RBFOX1: variants seen among roughly 807,000 people sequenced by gnomAD.
The protein encoded by RBFOX1 is RNA binding protein fox-1 homolog 1.
In RBFOX1, 8 loss-of-function variants were observed where a neutral mutation model predicts 57.7. That is an observed-to-expected ratio of 0.14 (90% CI 0.08 to 0.25). The LOEUF is 0.25. RBFOX1 is among the 10% of genes least tolerant of loss of function. The pLI is 1.00. For missense variants in RBFOX1, 611 were observed against 548.5 expected (o/e 1.11, Z -1.14); for synonymous variants, 326 against 222.4 (o/e 1.47, Z -4.15).
chr16:7,074,772 A>G (rs2058001225), intron 4 of RBFOX1, among the ~76,000 whole-genome samples: 1 of 152,224 alleles, frequency 6.6e-6, no homozygotes, highest in African/African-American at 2.4e-5. Flanking sequence ...ACCTGAAAAC[A>G]TTATAAAGAA....
intron 4 of RBFOX1, among the ~76,000 whole-genome samples, chr16:7,351,804 G>A (rs552928090): frequency 2.0e-5 from 3 of 152,244 alleles, no homozygotes; most frequent in Admixed American, 2.0e-4. Context: ...CTGTTTCTGG[G>A]AGTGCCATGG....
chr16:6,724,521 G>A (rs1000321150), intron 3 of RBFOX1, among the ~76,000 whole-genome samples: 1 of 151,986 alleles, frequency 6.6e-6, no homozygotes, highest in Non-Finnish European at 1.5e-5. Flanking sequence ...ATCTTCTGTG[G>A]ACGAGGAAGC....
At chr16:5,294,609 A>G (rs2333963) in intron 1 of RBFOX1, among the ~76,000 whole-genome samples, 1 of 151,968 alleles carries the variant, frequency 6.6e-6, no homozygotes, top group Non-Finnish European at 1.5e-5. Context: ...AGGACTGTAC[A>G]TATTGAAACA....
At chr16:6,977,428 G>A (rs141051408) in intron 3 of RBFOX1, among the ~76,000 whole-genome samples, 4 of 151,958 alleles carry the variant, frequency 2.6e-5, no homozygotes, top group Non-Finnish European at 5.9e-5. Context: ...TTATTTACTT[G>A]TTCCCTTAAC....
chr16:7,311,943 TG>T (rs2096320175), intron 4 of RBFOX1, among the ~76,000 whole-genome samples: 1 of 152,214 alleles, frequency 6.6e-6, no homozygotes, highest in African/African-American at 2.4e-5. Flanking sequence ...TTTGTTTATT[TG>T]GGGACTTAAT....
intron 4 of RBFOX1, among the ~76,000 whole-genome samples, chr16:7,385,138 G>T (rs2097854541): frequency 6.6e-6 from 1 of 152,248 alleles, no homozygotes; most frequent in African/African-American, 2.4e-5. Context: ...GCAAAGGCCA[G>T]GTCATACAGG....
chr16:5,922,391 C>G (rs2058843688), intron 4 of RBFOX1, among the ~76,000 whole-genome samples: 1 of 152,174 alleles, frequency 6.6e-6, no homozygotes, highest in Admixed American at 6.5e-5. Context: ...GAAAAAGGGA[C>G]ACAAGGAGAT....
intron 2 of RBFOX1, among the ~76,000 whole-genome samples, chr16:6,502,339 G>A (rs959442484): frequency 2.0e-5 from 3 of 152,108 alleles, no homozygotes; most frequent in South Asian, 2.1e-4. Flanking sequence ...GCTCTGTGAC[G>A]TTCCCTAGGA....
chr16:6,889,428 A>G (rs1475431122), intron 3 of RBFOX1, among the ~76,000 whole-genome samples: 7 of 152,200 alleles, frequency 4.6e-5, no homozygotes, highest in East Asian at 3.9e-4. Flanking sequence ...GGATTTCCAG[A>G]AAAAGGAGAA....
chr16:6,323,390 C>T (rs1224030128), intron 2 of RBFOX1, among the ~76,000 whole-genome samples: 3 of 152,106 alleles, frequency 2.0e-5, no homozygotes, highest in African/African-American at 7.2e-5. Flanking sequence ...ATCTGTCTTC[C>T]CCACTGGACT....
intron 4 of RBFOX1, among the ~76,000 whole-genome samples, chr16:7,063,957 A>C (rs2055263084): frequency 6.6e-6 from 1 of 152,160 alleles, no homozygotes; most frequent in African/African-American, 2.4e-5. Flanking sequence ...AAGTCTTGAC[A>C]CCAAGGTCCA....
chr16:6,626,318 C>A (rs924953804), intron 2 of RBFOX1, among the ~76,000 whole-genome samples: 1 of 152,046 alleles, frequency 6.6e-6, no homozygotes, highest in Admixed American at 6.6e-5. Flanking sequence ...CACCCATGAA[C>A]CTAGAAGAGA....
At chr16:6,233,675 C>T (rs1163819805) in intron 1 of RBFOX1, among the ~76,000 whole-genome samples, 1 of 152,124 alleles carries the variant, frequency 6.6e-6, no homozygotes, top group Non-Finnish European at 1.5e-5. Context: ...GTAGAGCAAT[C>T]ATAGCTCACT....
intron 2 of RBFOX1, among the ~76,000 whole-genome samples, chr16:5,573,619 C>A (rs574166913): frequency 4.4e-4 from 67 of 152,262 alleles, no homozygotes; most frequent in Non-Finnish European, 8.2e-4. Flanking sequence ...GTCCTGGACC[C>A]AGTGTGCATC....
intron 3 of RBFOX1, among the ~76,000 whole-genome samples, chr16:5,732,662 T>C (rs2052422788): frequency 6.6e-6 from 1 of 152,206 alleles, no homozygotes. Context: ...CTACCTTCTA[T>C]GTAGTCTTTA....
chr16:7,530,790 A>G (rs59098208), intron 5 of RBFOX1, among the ~76,000 whole-genome samples: 11,127 of 152,280 alleles, frequency 0.073, 490 homozygotes, highest in African/African-American at 0.13. Context: ...TGCCCCTGGT[A>G]GAAACATAAC....
intron 4 of RBFOX1, among the ~76,000 whole-genome samples, chr16:7,158,362 C>T (rs949140587): frequency 3.9e-5 from 6 of 152,042 alleles, no homozygotes; most frequent in Non-Finnish European, 5.9e-5. Context: ...AAAAGAAAAA[C>T]TACAGGGTTA....
chr16:5,731,099 C>G (rs7194703), intron 3 of RBFOX1, among the ~76,000 whole-genome samples: 1 of 152,114 alleles, frequency 6.6e-6, no homozygotes, highest in Admixed American at 6.6e-5. Flanking sequence ...ACATCATTGT[C>G]CTCATAAATA....
chr16:6,953,152 T>G (rs916831667), intron 3 of RBFOX1, among the ~76,000 whole-genome samples: 3 of 152,148 alleles, frequency 2.0e-5, no homozygotes, highest in African/African-American at 7.2e-5. Flanking sequence ...CTCTTTCCAC[T>G]GAAGGAAAAA....
Sources: allele counts gnomAD v4.1 joint callset (sites outside exome capture counted in the v4.1 genomes callset), GRCh38; gene constraint gnomAD v4.1.1; transcripts MANE v1.5; gene names NCBI Gene and HGNC (gene_info 2026-07-23, HGNC 2026-07-21).